The following APBA2 variants were observed in gnomAD, a reference collection of about 807,000 sequenced individuals.
APBA2 encodes the protein amyloid-beta A4 precursor protein-binding family A member 2.
In APBA2, 30 loss-of-function variants were observed where a neutral mutation model predicts 75.0. The ratio of observed to expected loss-of-function variants is 0.40; its 90% CI spans 0.30 to 0.54. APBA2 has a LOEUF of 0.54. Ranked by LOEUF, APBA2 falls within the 20% of genes least tolerant of loss-of-function variation. APBA2 has a pLI of 0.49. For missense variants in APBA2, 801 were observed against 1,016.1 expected (o/e 0.79, Z 2.88); for synonymous variants, 444 against 409.6 (o/e 1.08, Z -1.01).
At chr15:28,982,857 C>T (rs183874302) in intron 2 of APBA2, among the ~76,000 whole-genome samples, 3 of 152,264 alleles carry the variant, frequency 2.0e-5, no homozygotes, top group East Asian at 3.9e-4. Context: ...CTATAGAAGG[C>T]GAATTAGAGA....
intron 4 of APBA2, among the ~76,000 whole-genome samples, chr15:29,068,392 C>T (rs185078572): frequency 2.6e-5 from 4 of 152,370 alleles, no homozygotes; most frequent in African/African-American, 9.6e-5. Flanking sequence ...GAGAGTTGAA[C>T]AAAACCAAAT....
chr15:28,912,633 G>A (rs2033484441), intron 1 of APBA2, among the ~76,000 whole-genome samples: 1 of 152,236 alleles, frequency 6.6e-6, no homozygotes, highest in Non-Finnish European at 1.5e-5. Context: ...CCCTCCAGAG[G>A]TTGTGTCTGT....
At chr15:28,955,895 G>A (rs916873809) in intron 2 of APBA2, among the ~76,000 whole-genome samples, 1 of 152,202 alleles carries the variant, frequency 6.6e-6, no homozygotes, top group African/African-American at 2.4e-5. Context: ...TCTGGCCCTC[G>A]GTTGCTTGCT....
chr15:28,919,008 C>A (rs759741213), intron 1 of APBA2, among the ~76,000 whole-genome samples: 3 of 152,018 alleles, frequency 2.0e-5, no homozygotes, highest in Non-Finnish European at 4.4e-5. Context: ...TACAGGCGCC[C>A]GCCACCACGC....
chr15:28,910,624 G>A (rs142741519), intron 1 of APBA2, among the ~76,000 whole-genome samples: 19 of 152,144 alleles, frequency 1.2e-4, no homozygotes, highest in African/African-American at 4.1e-4. Context: ...TGGGTTAGTT[G>A]GGAAAGAGAG....
chr15:28,950,230 T>C (rs1342174353), intron 2 of APBA2, among the ~76,000 whole-genome samples: 1 of 152,220 alleles, frequency 6.6e-6, no homozygotes, highest in Non-Finnish European at 1.5e-5. Flanking sequence ...AAGCACCATT[T>C]TCAACATACA....
chr15:29,101,907 A>G, intron 10 of APBA2, 123 bp downstream of exon 10: 1 of 940,718 alleles, frequency 1.1e-6, no homozygotes, highest in Non-Finnish European at 1.7e-6. Flanking sequence ...TGATGTTTCC[A>G]GTGGATCAGT....
chr15:29,023,212 G>T (rs745716975), intron 3 of APBA2, among the ~76,000 whole-genome samples: 1 of 151,968 alleles, frequency 6.6e-6, no homozygotes, highest in Non-Finnish European at 1.5e-5. Flanking sequence ...TTCTAGGTAG[G>T]GTAACCAGCC....
In APBA2 at chr15:28,991,900, A is replaced by G. The variant is rs1466656899; in HGVS notation, c.-94-3853A>G. Among the ~76,000 whole-genome samples the G allele has an allele frequency of 2.0e-5, 3 of 152,324 alleles. No individual in the cohort carries two copies. Among genetic ancestry groups the G allele is most frequent in the African/African-American group, 7.2e-5 (3 of 41,580 alleles). On this transcript the variant is annotated intron_variant, in intron 2 of 14. Transcript: ENST00000683413. The surrounding 1 kb of genome is among the most constrained non-coding windows in gnomAD (Gnocchi z 4.7). ...CAGAGTTTCCCAAACCTGTGTGCCG[A>G]GTGCCAGCCCCTTAGCAAGTGCAGC...
At chr15:29,103,277 C>T (rs561414368) in intron 10 of APBA2, among the ~76,000 whole-genome samples, 3 of 152,216 alleles carry the variant, frequency 2.0e-5, no homozygotes, top group Non-Finnish European at 4.4e-5. Context: ...GTAGATGAGG[C>T]CGCAGGGTGG....
At chr15:29,075,119 G>C in intron 5 of APBA2, 118 bp downstream of exon 5, 3 of 839,028 alleles carry the variant, frequency 3.6e-6, no homozygotes, top group Admixed American at 4.0e-5. Flanking sequence ...CCGGTGCCTG[G>C]GGGAGAGGGA....
intron 3 of APBA2, among the ~76,000 whole-genome samples, chr15:29,040,484 A>G (rs1043007908): frequency 6.6e-6 from 1 of 152,364 alleles, no homozygotes; most frequent in East Asian, 1.9e-4. Context: ...GAACCATAGC[A>G]AAGGCTTTGG....
intron 1 of APBA2, among the ~76,000 whole-genome samples, chr15:28,911,463 G>A (rs576877082): frequency 1.1e-4 from 16 of 152,336 alleles, no homozygotes; most frequent in African/African-American, 3.4e-4. Context: ...GGCCTGCTTC[G>A]TGGAGATAAG....
intron 8 of APBA2, among the ~76,000 whole-genome samples, chr15:29,095,132 T>C (rs2043788347): frequency 6.6e-6 from 1 of 150,546 alleles, no homozygotes; most frequent in Non-Finnish European, 1.5e-5. Context: ...CTTTTAAAAA[T>C]GGGTTGACAC....
intron 3 of APBA2, among the ~76,000 whole-genome samples, chr15:29,026,032 GGGCT>G (rs1374678922): frequency 6.6e-6 from 1 of 151,990 alleles, no homozygotes; most frequent in African/African-American, 2.4e-5. Context: ...TTGTGGCAGT[GGGCT>G]GGGCAGGAAA....
At chr15:29,069,474 G>A (rs1338001759) in intron 4 of APBA2, among the ~76,000 whole-genome samples, 1 of 152,206 alleles carries the variant, frequency 6.6e-6, no homozygotes, top group Non-Finnish European at 1.5e-5. Flanking sequence ...ATTTTCACCA[G>A]CAATGCATGA....
At chr15:29,004,359 A>G (rs1248362227) in intron 3 of APBA2, among the ~76,000 whole-genome samples, 2 of 152,156 alleles carry the variant, frequency 1.3e-5, no homozygotes, top group African/African-American at 2.4e-5. Context: ...CCCAGAGACA[A>G]TCAGTGCTGG....
intron 1 of APBA2, among the ~76,000 whole-genome samples, chr15:28,916,856 C>T (rs1475728187): frequency 5.9e-5 from 9 of 152,228 alleles, no homozygotes; most frequent in Non-Finnish European, 1.2e-4. Flanking sequence ...TAAAAGATTG[C>T]GGCAATGAAA....
rs149268366 is a variant in APBA2 at position 29,082,591 on chromosome 15, G to A, written c.1069+6500G>A. Among the ~76,000 whole-genome samples, 12 of 152,094 alleles carry A rather than the reference G, an allele frequency of 7.9e-5. No homozygotes were observed. In the East Asian group the frequency reaches 2.3e-3, roughly 29 times the overall value. On this transcript the variant is annotated intron_variant, in intron 6 of 14. Transcript: ENST00000683413. Reference sequence around the variant, plus strand: ...TACATATAAAGGAAATGAACCCTTTGGTTTGTACTGTAAAAGTTTACCCCA... The same window carrying A: ...TACATATAAAGGAAATGAACCCTTTAGTTTGTACTGTAAAAGTTTACCCCA...
Sources: gnomAD v4.1 joint callset for allele counts (sites outside exome capture counted in the v4.1 genomes callset) on GRCh38, gnomAD v4.1.1 for gene constraint, Gnocchi (gnomAD v3.1) non-coding constraint, MANE v1.5 for transcripts, NCBI Gene and HGNC (gene_info 2026-07-23, HGNC 2026-07-21) for gene names.